Variants in LRRTM4 observed in about 807,000 individuals in gnomAD.
LRRTM4 encodes the protein leucine rich repeat transmembrane neuronal 4.
LRRTM4 carries 25 observed loss-of-function variants against 47.6 expected under a neutral mutation model. That is an observed-to-expected ratio of 0.53 (90% CI 0.38 to 0.73). The LOEUF is 0.73. LRRTM4 is among the 30% of genes least tolerant of loss of function. The probability of loss-of-function intolerance (pLI) is 0.00; values close to 1 mark genes in which losing one functional copy is unlikely to be tolerated. For synonymous variants in LRRTM4, 311 were observed against 269.5 expected (o/e 1.15, Z -1.51); for missense variants, 638 against 713.4 (o/e 0.89, Z 1.20).
At chr2:77,000,120 A>T (rs1037208180) in intron 3 of LRRTM4, among the ~76,000 whole-genome samples, 1 of 151,856 alleles carries the variant, frequency 6.6e-6, no homozygotes, top group African/African-American at 2.4e-5. Flanking sequence ...AAAGCCCCAG[A>T]TAATGGCTGA....
At chr2:76,893,358 T>C (rs1558719018) in intron 3 of LRRTM4, among the ~76,000 whole-genome samples, 1 of 151,708 alleles carries the variant, frequency 6.6e-6, no homozygotes, top group Non-Finnish European at 1.5e-5. Flanking sequence ...TTAATTTTAG[T>C]AGAAGTGGAC....
chr2:77,182,794 T>C (rs1353664182), intron 3 of LRRTM4, among the ~76,000 whole-genome samples: 2 of 152,154 alleles, frequency 1.3e-5, no homozygotes, highest in African/African-American at 4.8e-5. Context: ...TTCAGTATGA[T>C]ATTGGCTGTG....
At chr2:76,905,922 G>T (rs1476691351) in intron 3 of LRRTM4, among the ~76,000 whole-genome samples, 2 of 152,118 alleles carry the variant, frequency 1.3e-5, no homozygotes, top group African/African-American at 4.8e-5. Context: ...AAAACACTCT[G>T]CAGGATATTA....
At chr2:77,398,634 T>G (rs1673801342) in intron 3 of LRRTM4, among the ~76,000 whole-genome samples, 1 of 151,884 alleles carries the variant, frequency 6.6e-6, no homozygotes, top group Admixed American at 6.6e-5. Context: ...TTTTATTTAT[T>G]AATTTATTCA....
intron 3 of LRRTM4, among the ~76,000 whole-genome samples, chr2:77,281,534 G>A (rs1676505484): frequency 6.6e-6 from 1 of 151,750 alleles, no homozygotes; most frequent in African/African-American, 2.4e-5. Flanking sequence ...ATTAGTAGGG[G>A]TGAAGTAGAA....
At chr2:77,421,014 A>C (rs1674857881) in intron 3 of LRRTM4, among the ~76,000 whole-genome samples, 1 of 151,388 alleles carries the variant, frequency 6.6e-6, no homozygotes, top group Admixed American at 6.6e-5. Flanking sequence ...GGCAGAAAAT[A>C]TAAAAAATTA....
intron 3 of LRRTM4, among the ~76,000 whole-genome samples, chr2:77,335,224 C>T (rs187780655): frequency 6.6e-6 from 1 of 152,266 alleles, no homozygotes; most frequent in East Asian, 1.9e-4. Flanking sequence ...TTTATGAAAG[C>T]CTCCAAATCA....
intron 3 of LRRTM4, among the ~76,000 whole-genome samples, chr2:77,496,506 T>G (rs1678369783): frequency 1.3e-5 from 2 of 151,818 alleles, no homozygotes; most frequent in East Asian, 3.9e-4. Flanking sequence ...TCCCTGCTAT[T>G]CCTATTTTGC....
chr2:77,220,198 C>A (rs1674578594), intron 3 of LRRTM4, among the ~76,000 whole-genome samples: 1 of 152,102 alleles, frequency 6.6e-6, no homozygotes, highest in East Asian at 1.9e-4. Context: ...CACCAAAAAC[C>A]CATCTGTACG....
chr2:77,512,836 C>T (rs1213885816), intron 3 of LRRTM4, among the ~76,000 whole-genome samples: 1 of 152,052 alleles, frequency 6.6e-6, no homozygotes, highest in African/African-American at 2.4e-5. Flanking sequence ...TGGGAGTCTT[C>T]AAGAGCAATC....
chr2:77,421,075 G>T (rs1674863193), intron 3 of LRRTM4, among the ~76,000 whole-genome samples: 1 of 151,508 alleles, frequency 6.6e-6, no homozygotes, highest in African/African-American at 2.4e-5. Flanking sequence ...AGGTATCAAA[G>T]AAATTTAGAA....
At chr2:77,484,132 A>C (rs11896350) in intron 3 of LRRTM4, among the ~76,000 whole-genome samples, 2 of 151,998 alleles carry the variant, frequency 1.3e-5, no homozygotes, top group Admixed American at 1.3e-4. Flanking sequence ...GACACACACA[A>C]TACTGGTCAA....
intron 3 of LRRTM4, among the ~76,000 whole-genome samples, chr2:77,078,100 TTG>T (rs1201037606): frequency 3.9e-5 from 6 of 152,192 alleles, no homozygotes; most frequent in African/African-American, 7.2e-5. Flanking sequence ...AAGAATTTCT[TTG>T]TGTTTTGCAT....
At chr2:77,493,313 T>C (rs1362751762) in intron 3 of LRRTM4, among the ~76,000 whole-genome samples, 1 of 152,104 alleles carries the variant, frequency 6.6e-6, no homozygotes, top group African/African-American at 2.4e-5. Flanking sequence ...GAATCGGTAA[T>C]AAGAAATCAG....
intron 3 of LRRTM4, among the ~76,000 whole-genome samples, chr2:77,192,240 A>G (rs1673689538): frequency 6.6e-6 from 1 of 152,114 alleles, no homozygotes; most frequent in Admixed American, 6.6e-5. Context: ...TTTCAGCAAA[A>G]TAAAGAGCTA....
intron 3 of LRRTM4, among the ~76,000 whole-genome samples, chr2:77,291,905 G>A (rs1157604258): frequency 6.6e-6 from 1 of 151,876 alleles, no homozygotes. Context: ...AGAGTGAACA[G>A]GCAACCTACA....
chr2:76,772,279 G>A (rs1338917768), intron 3 of LRRTM4, among the ~76,000 whole-genome samples: 1 of 152,232 alleles, frequency 6.6e-6, no homozygotes, highest in Non-Finnish European at 1.5e-5. Context: ...CCACCATTTC[G>A]ATCTTGAACT....
At chr2:76,916,531 G>A (rs544733410) in intron 3 of LRRTM4, among the ~76,000 whole-genome samples, 1 of 152,158 alleles carries the variant, frequency 6.6e-6, no homozygotes, top group Non-Finnish European at 1.5e-5. Context: ...AAAGGCACTG[G>A]TGTCAAGGGA....
chr2:77,350,905 T>G (rs1573295624), intron 3 of LRRTM4, among the ~76,000 whole-genome samples: 1 of 152,270 alleles, frequency 6.6e-6, no homozygotes, highest in Non-Finnish European at 1.5e-5. Flanking sequence ...ATTAAAATAT[T>G]AAACAAACGA....
Sources: gnomAD v4.1 joint callset for allele counts (sites outside exome capture counted in the v4.1 genomes callset) on GRCh38, gnomAD v4.1.1 for gene constraint, MANE v1.5 for transcripts, NCBI Gene and HGNC (gene_info 2026-07-23, HGNC 2026-07-21) for gene names.